The following UNC45B variants were observed in gnomAD, a reference collection of about 807,000 sequenced individuals.
The protein encoded by UNC45B is protein unc-45 homolog B.
A neutral mutation model predicts 98.7 loss-of-function variants in UNC45B; 78 were observed. That is an observed-to-expected ratio of 0.79 (90% CI 0.66 to 0.95). The LOEUF is 0.95. UNC45B is among the 40% of genes least tolerant of loss of function. The probability of loss-of-function intolerance (pLI) is 0.00; values close to 1 mark genes in which losing one functional copy is unlikely to be tolerated. For synonymous variants in UNC45B, 462 were observed against 480.4 expected (o/e 0.96, Z 0.50); for missense variants, 1,225 against 1,184.9 (o/e 1.03, Z -0.50).
chr17:35,176,129 G>A, intron 15 of UNC45B, 95 bp downstream of exon 15: 1 of 1,244,302 alleles, frequency 8.0e-7, no homozygotes. Flanking sequence ...CGACCTCCTG[G>A]AATACGGCCA....
At position 35,168,263 on chromosome 17, in the gene UNC45B, C is replaced by T. The variant is rs1490154487; in HGVS notation, c.1354C>T (p.Leu452Phe). The change falls in exon 10 of 20, where the codon CTC becomes TTC. Residue 452 changes from leucine to phenylalanine, a missense_variant. Transcript: ENST00000394570. ...VEALIHASTK[L>F]SRATFIITNG... ...GGCCCTCATCCATGCCTCCACGAAG[C>T]TCAGCCGCGCCACCTTCATCATCAC... 4 of 1,554,748 alleles carry T rather than the reference C, an allele frequency of 2.6e-6. No individual in the cohort carries two copies. In the Admixed American group the frequency reaches 5.8e-5, roughly 23 times the overall value.
Position 35,170,237 on chromosome 17 carries a change from C to T in UNC45B, c.1671C>T (p.Ala557=). The part of the protein sequence containing the change: ...DFVQDVPALQ[A]MFELAKTSDK... ...TCCAGGACGTCCCTGCCCTGCAGGC[C>T]ATGTTTGAGCTGGCCAAGGCAGGTG... The change falls in exon 12 of 20, where the codon GCC becomes GCT. Residue 557 remains alanine, a synonymous_variant. Coordinates refer to ENST00000394570, the MANE Select transcript of UNC45B (RefSeq NM_001267052.2). The T allele has an allele frequency of 6.2e-7, 1 of 1,610,512 alleles. No individual in the cohort carries two copies. The highest frequency in any genetic ancestry group is 1.1e-5 in the South Asian group (1 of 90,860).
intron 17 of UNC45B, 108 bp from the exon 18 acceptor site, chr17:35,180,450 GT>G: frequency 1.2e-6 from 1 of 800,822 alleles, no homozygotes; most frequent in Non-Finnish European, 2.1e-6. Flanking sequence ...GGCTGAGGAT[GT>G]GGGAAGGACA....
intron 4 of UNC45B, among the ~76,000 whole-genome samples, chr17:35,152,439 A>G (rs543447101): frequency 1.3e-5 from 2 of 152,264 alleles, no homozygotes; most frequent in East Asian, 3.9e-4. Flanking sequence ...TCCAAACAAA[A>G]TGAGTTCAAT....
chr17:35,178,337 CTTCTT>C (rs2092250498), intron 17 of UNC45B, among the ~76,000 whole-genome samples: 1 of 152,202 alleles, frequency 6.6e-6, no homozygotes, highest in Non-Finnish European at 1.5e-5. Context: ...GCATAAATGT[CTTCTT>C]TTGAGAAGTG....
At chr17:35,167,939 A>G (rs1419454184) in intron 9 of UNC45B, 122 bp from the exon 10 acceptor site, 5 of 937,332 alleles carry the variant, frequency 5.3e-6, no homozygotes, top group African/African-American at 3.4e-5. Context: ...GAATTGCCCA[A>G]TATCACACAG....
chr17:35,165,105 C>T (rs2092129522), intron 9 of UNC45B, among the ~76,000 whole-genome samples: 1 of 152,186 alleles, frequency 6.6e-6, no homozygotes, highest in South Asian at 2.1e-4. Context: ...CTCAAGCAAT[C>T]TTCCTGCCTC....
rs2142621553 is a variant in UNC45B at position 35,187,520 on chromosome 17, G to A, written c.*961G>A. ...AAGTTCCCAGGGATGACTCTGATATGTCTATGTCTCAGGTCACATTTCCAT... is the reference window on the plus strand; with the variant it reads ...AAGTTCCCAGGGATGACTCTGATATATCTATGTCTCAGGTCACATTTCCAT... On this transcript the variant is annotated 3_prime_UTR_variant, in exon 20 of 20. Coordinates refer to ENST00000394570, the MANE Select transcript of UNC45B (RefSeq NM_001267052.2). 1 of 152,300 alleles carries A rather than the reference G, an allele frequency of 6.6e-6. No homozygotes were observed. The highest frequency in any genetic ancestry group is 2.1e-4 in the South Asian group (1 of 4,828). The allele number at this position is 152,300 out of a possible 1,614,324, so 9.4% of individuals were successfully genotyped here. A position where few individuals can be genotyped will look rare whatever the true frequency, so the allele number is the denominator to read the frequency against.
Position 35,180,648 on chromosome 17 carries a change from G to C in UNC45B, c.2345G>C (p.Cys782Ser). The change falls in exon 18 of 20, where the codon TGC becomes TCC. Residue 782 changes from cysteine (C) to serine (S), a missense_variant. Coordinates refer to ENST00000394570, the MANE Select transcript of UNC45B (RefSeq NM_001267052.2). Reference protein sequence around the residue: ...HDQLRQAATECMCNMVLHKEV... With the variant: ...HDQLRQAATESMCNMVLHKEV... ...CAGCTGCGGCAGGCGGCCACCGAGT[G>C]CATGTGCAACATGGTGCTCCACAAG... 6.2e-7 allele frequency: 1 copy of C among 1,613,844 alleles called. No homozygotes were observed. Among genetic ancestry groups the C allele is most frequent in the South Asian group, 1.1e-5 (1 of 91,042 alleles).
At chr17:35,151,489 T>C (rs1369352462) in intron 4 of UNC45B, among the ~76,000 whole-genome samples, 1 of 152,106 alleles carries the variant, frequency 6.6e-6, no homozygotes. Context: ...GAGCATAAAA[T>C]ATTTTCTAGG....
chr17:35,162,643 G>A (rs1567758674), intron 8 of UNC45B, among the ~76,000 whole-genome samples: 1 of 151,904 alleles, frequency 6.6e-6, no homozygotes, highest in Non-Finnish European at 1.5e-5. Flanking sequence ...TGGCTGGAGT[G>A]CAATGGCGTG....
chr17:35,171,517 G>T, intron 13 of UNC45B, 55 bp downstream of exon 13: 1 of 1,586,592 alleles, frequency 6.3e-7, no homozygotes, highest in South Asian at 1.1e-5. Flanking sequence ...GGCCTCCAAA[G>T]GAGGCGGAAC....
chr17:35,167,630 G>C (rs1487979398), intron 9 of UNC45B, among the ~76,000 whole-genome samples: 1 of 149,948 alleles, frequency 6.7e-6, no homozygotes, highest in Non-Finnish European at 1.5e-5. Flanking sequence ...AAAAAAAAAA[G>C]AAAGAAAAAG....
intron 9 of UNC45B, 25 bp downstream of exon 9, chr17:35,164,191 G>A (rs1410716884): frequency 1.9e-6 from 3 of 1,591,762 alleles, no homozygotes; most frequent in Non-Finnish European, 1.7e-6. Flanking sequence ...GGCCTCACAG[G>A]GTCAGGCTCT....
rs780313807 is a variant in UNC45B, at chr17:35,186,557, TAGAC to T, written c.*1_*4del. 6 of 1,614,016 alleles carry T rather than the reference TAGAC, an allele frequency of 3.7e-6. No homozygotes were observed. In the African/African-American group the frequency reaches 4.0e-5, roughly 11 times the overall value. On this transcript the variant is annotated stop_retained_variant and 3_prime_UTR_variant, in exon 20 of 20. Transcript: ENST00000394570. The stretch of plus-strand genomic sequence containing the variant: ...TTATGGTTTCATTAAACCAGTGTCT[TAGAC>T]AGCGACCCTCAGGGATGCTGGGAGT...
chr17:35,187,043 C>G lies in UNC45B; in HGVS notation c.*484C>G, dbSNP rs2092308190. The G allele has an allele frequency of 6.2e-6, 1 of 161,282 alleles. No homozygotes were observed. Among genetic ancestry groups the G allele is most frequent in the African/African-American group, 2.4e-5 (1 of 41,504 alleles). 10.0% of individuals were successfully genotyped at this position (161,282 alleles called of 1,614,324 possible). On this transcript the variant is annotated 3_prime_UTR_variant, in exon 20 of 20. Transcript: ENST00000394570. ...AGTCTGTTCAGAACTGTGTGTTTCA[C>G]CTGCAGTGCTCTGTCCCAGTCCCAT... is the stretch of plus-strand genomic sequence containing the variant.
intron 7 of UNC45B, among the ~76,000 whole-genome samples, chr17:35,156,610 A>C (rs2092063815): frequency 6.6e-6 from 1 of 152,110 alleles, no homozygotes; most frequent in Non-Finnish European, 1.5e-5. Flanking sequence ...CGGGTGACAG[A>C]GTGAGACTCC....
intron 12 of UNC45B, among the ~76,000 whole-genome samples, chr17:35,170,529 T>TAAAA (rs35208483): frequency 2.9e-5 from 2 of 70,076 alleles, no homozygotes; most frequent in East Asian, 4.2e-4. Context: ...CTGAGGCAGC[T>TAAAA]AAAAAAAAAA....
At position 35,159,917 on chromosome 17, in the gene UNC45B, G is replaced by C. The variant is rs951599745; in HGVS notation, c.979+372G>C. ...TTGCATCAAGTATAGTTTATATAAAGCACAGTGAGAATGTTTGTAAACCCA... is the reference window on the plus strand; with the variant it reads ...TTGCATCAAGTATAGTTTATATAAACCACAGTGAGAATGTTTGTAAACCCA... On this transcript the variant is annotated intron_variant, in intron 8 of 19. Coordinates refer to ENST00000394570, the MANE Select transcript of UNC45B (RefSeq NM_001267052.2). Among the ~76,000 whole-genome samples the C allele has an allele frequency of 2.6e-4, 39 of 152,200 alleles. 1 individual carries two copies. The highest frequency in any genetic ancestry group is 7.0e-4 in the African/African-American group (29 of 41,444).
Sources: gnomAD v4.1 joint callset for allele counts (sites outside exome capture counted in the v4.1 genomes callset) on GRCh38, gnomAD v4.1.1 for gene constraint, MANE v1.5 for transcripts, NCBI Gene and HGNC (gene_info 2026-07-23, HGNC 2026-07-21) for gene names.